The following DDX1 variants were observed in gnomAD, a reference collection of about 807,000 sequenced individuals.
The protein encoded by DDX1 is DEAD-box helicase 1.
DDX1 carries 28 observed loss-of-function variants against 108.7 expected under a neutral mutation model. That is an observed-to-expected ratio of 0.26 (90% confidence interval 0.19 to 0.35). The LOEUF (loss-of-function observed/expected upper bound fraction) is 0.35. DDX1 is among the 10% of genes least tolerant of loss of function. The pLI is 1.00. For synonymous variants in DDX1, 295 were observed against 288.9 expected (o/e 1.02, Z -0.21); for missense variants, 710 against 884.5 (o/e 0.80, Z 2.50).
chr2:15,623,539 T>G lies in DDX1; in HGVS notation c.1551T>G (p.Ile517Met). 1 of 1,613,606 alleles carries G rather than the reference T, an allele frequency of 6.2e-7. No individual in the cohort carries two copies. The highest frequency in any genetic ancestry group is 8.5e-7 in the Non-Finnish European group (1 of 1,179,650). ...CAATTATCTTCTGTAGAACCAAAAT[T>G]GACTGTGATAACTTGGAGCAGTACT... ...DQAIIFCRTK[I>M]DCDNLEQYFI... The change falls in exon 19 of 26, where the codon ATT (isoleucine) becomes ATG (methionine). Residue 517 changes from isoleucine (I) to methionine (M), a missense_variant. Around this residue, in one of 3 missense-constraint regions of DDX1, gnomAD observed 661 missense variants for 810.2 expected, o/e 0.82. Coordinates refer to ENST00000233084, the MANE Select transcript of DDX1 (RefSeq NM_004939.3).
chr2:15,610,408 G>A (rs1237653982), intron 13 of DDX1, among the ~76,000 whole-genome samples: 1 of 152,158 alleles, frequency 6.6e-6, no homozygotes, highest in Non-Finnish European at 1.5e-5. Flanking sequence ...TCTACATTTA[G>A]GTCTGTGATA....
intron 4 of DDX1, 95 bp from the exon 5 acceptor site, chr2:15,597,280 T>G: frequency 1.3e-6 from 1 of 758,222 alleles, no homozygotes; most frequent in Non-Finnish European, 2.2e-6. Context: ...GTATGATTAG[T>G]TGATGTGTGT....
intron 19 of DDX1, among the ~76,000 whole-genome samples, chr2:15,625,287 A>G (rs569506891): frequency 1.8e-4 from 27 of 152,312 alleles, no homozygotes; most frequent in Non-Finnish European, 3.8e-4. Context: ...ATGTCAGAAC[A>G]GTAGTAGTCC....
chr2:15,600,378 T>A (rs975438562), intron 6 of DDX1, among the ~76,000 whole-genome samples: 3 of 152,226 alleles, frequency 2.0e-5, no homozygotes, highest in Non-Finnish European at 4.4e-5. Flanking sequence ...AAGGATACTT[T>A]CCTAAAGCAG....
chr2:15,614,622 C>T (rs987079394), intron 14 of DDX1, among the ~76,000 whole-genome samples: 7 of 152,144 alleles, frequency 4.6e-5, no homozygotes, highest in Non-Finnish European at 7.4e-5. Flanking sequence ...GCAGGAGTTT[C>T]GGCCCGTTTT....
chr2:15,603,908 G>T lies in DDX1; in HGVS notation c.552+18G>T. 3 of 1,535,636 alleles carry T rather than the reference G, an allele frequency of 2.0e-6. No individual in the cohort carries two copies. The South Asian group carries it at 3.5e-5, about 18-fold the overall frequency. On this transcript the variant is annotated intron_variant, in intron 9 of 25. Coordinates refer to ENST00000233084, the MANE Select transcript of DDX1 (RefSeq NM_004939.3). The stretch of plus-strand genomic sequence containing the variant: ...ATGGAGAGGTAAGCGATTATGTTAT[G>T]ACTTCAACATAGCATAAGTAAGTTT...
chr2:15,604,549 A>G (rs368274805), intron 10 of DDX1, 40 bp downstream of exon 10: 4 of 1,295,884 alleles, frequency 3.1e-6, no homozygotes, highest in Non-Finnish European at 4.5e-6. Context: ...AAGATACATG[A>G]TATTCAATAA....
intron 23 of DDX1, 67 bp downstream of exon 23, chr2:15,628,906 CA>C: frequency 1.4e-6 from 2 of 1,465,574 alleles, no homozygotes; most frequent in Non-Finnish European, 1.9e-6. Context: ...GAAATAAAAG[CA>C]GTTTGATTTT....
At chr2:15,621,349 C>T (rs1349940359) in intron 18 of DDX1, 4 of 435,764 alleles carry the variant, frequency 9.2e-6, no homozygotes, top group Non-Finnish European at 1.6e-5. Flanking sequence ...TCTTGTCACC[C>T]AAGCTGGAGT....
At chr2:15,604,110 C>T (rs1665628686) in intron 9 of DDX1, among the ~76,000 whole-genome samples, 2 of 152,182 alleles carry the variant, frequency 1.3e-5, no homozygotes, top group African/African-American at 4.8e-5. Context: ...TTGTCATCCC[C>T]TCCAAAATAC....
At chr2:15,603,298 A>C in intron 8 of DDX1, 23 bp downstream of exon 8, 2 of 1,463,926 alleles carry the variant, frequency 1.4e-6, no homozygotes, top group South Asian at 2.4e-5. Flanking sequence ...AAAATAACTG[A>C]ATTGATTGAT....
chr2:15,627,637 G>C (rs6743036), intron 20 of DDX1: 1 of 153,122 alleles, frequency 6.5e-6, no homozygotes, highest in Non-Finnish European at 1.5e-5. Context: ...GGGTGGGTAA[G>C]TAAATGGCTT....
At chr2:15,614,954 T>A (rs1665869496) in intron 14 of DDX1, among the ~76,000 whole-genome samples, 1 of 152,234 alleles carries the variant, frequency 6.6e-6, no homozygotes, top group Non-Finnish European at 1.5e-5. Flanking sequence ...TTAAATCTGC[T>A]TTCATCAGGA....
rs139187109 is a variant in DDX1 at position 15,604,882 on chromosome 2, G to A, written c.625+373G>A. Among the ~76,000 whole-genome samples, 13 of 152,290 alleles carry A rather than the reference G, an allele frequency of 8.5e-5. No individual in the cohort carries two copies. In the East Asian group the frequency reaches 2.5e-3, roughly 29 times the overall value. ...GCTTGATAAGGGACATTTAGGTAGA[G>A]ATCCAAATGAGTTGGGTGGTAGGCC... On this transcript the variant is annotated intron_variant, in intron 10 of 25. Transcript: ENST00000233084.
At chr2:15,599,316 T>C (rs998782906) in intron 5 of DDX1, 72 of 153,800 alleles carry the variant, frequency 4.7e-4, no homozygotes, top group African/African-American at 1.7e-3. Context: ...TATTTATTTA[T>C]TTATTTTTGA....
intron 14 of DDX1, 98 bp from the exon 15 acceptor site, chr2:15,617,146 T>C (rs1462322272): frequency 1.9e-6 from 1 of 516,520 alleles, no homozygotes; most frequent in Non-Finnish European, 3.5e-6. Flanking sequence ...TACTTCAATA[T>C]GCATGTTTTT....
chr2:15,620,455 G>A (rs1665984373), intron 17 of DDX1, 59 bp downstream of exon 17: 1 of 1,358,938 alleles, frequency 7.4e-7, no homozygotes, highest in Non-Finnish European at 1.0e-6. Flanking sequence ...AACTAGGTCA[G>A]CCTTGGGCTC....
At chr2:15,608,066 A>C (rs996920194) in intron 13 of DDX1, among the ~76,000 whole-genome samples, 1 of 152,226 alleles carries the variant, frequency 6.6e-6, no homozygotes, top group Non-Finnish European at 1.5e-5. Context: ...GAAGGATACC[A>C]TAAATTAAAG....
intron 13 of DDX1, among the ~76,000 whole-genome samples, chr2:15,611,831 A>G (rs1665770086): frequency 2.3e-5 from 2 of 87,490 alleles, no homozygotes; most frequent in Non-Finnish European, 4.3e-5. Flanking sequence ...CTGGCCGGGC[A>G]GAGGGGCTCC....
Sources: allele counts gnomAD v4.1 joint callset (sites outside exome capture counted in the v4.1 genomes callset), GRCh38; gene constraint gnomAD v4.1.1; regional missense constraint gnomAD v4.1.1; transcripts MANE v1.5; gene names NCBI Gene and HGNC (gene_info 2026-07-23, HGNC 2026-07-21).